CRISPLD2: variants seen among roughly 807,000 people sequenced by gnomAD.
CRISPLD2 encodes cysteine-rich secretory protein LCCL domain-containing 2.
CRISPLD2 carries 47 observed loss-of-function variants against 71.1 expected under a neutral mutation model. The observed-to-expected ratio is 0.66, with a 90% CI of 0.52 to 0.84. CRISPLD2 has a LOEUF of 0.84. Among genes scored for constraint, CRISPLD2 ranks in the 40% least tolerant of loss-of-function variants. The pLI is 0.00. For synonymous variants in CRISPLD2, 317 were observed against 250.1 expected, an observed-to-expected ratio of 1.27 and a Z score of -2.52; for missense variants, 830 against 651.1, an observed-to-expected ratio of 1.27 and a Z score of -2.99.
intron 11 of CRISPLD2, among the ~76,000 whole-genome samples, chr16:84,874,451 A>G (rs1189653078): frequency 6.6e-6 from 1 of 152,158 alleles, no homozygotes; most frequent in Non-Finnish European, 1.5e-5. Flanking sequence ...TGCTTAGTGT[A>G]TGTTCATTTG....
chr16:84,875,618 G>A (rs1235070710), intron 11 of CRISPLD2, among the ~76,000 whole-genome samples: 3 of 151,148 alleles, frequency 2.0e-5, no homozygotes, highest in Admixed American at 6.6e-5. Context: ...GTGCAGTGGC[G>A]CAATTTCAGC....
chr16:84,821,036 C>A (rs1180962539), intron 1 of CRISPLD2, among the ~76,000 whole-genome samples: 1 of 152,250 alleles, frequency 6.6e-6, no homozygotes, highest in Non-Finnish European at 1.5e-5. Context: ...GGGCGTCTCT[C>A]AGCCAAAATG....
chr16:84,861,767 TAAA>T (rs1917388321), intron 6 of CRISPLD2, among the ~76,000 whole-genome samples: 3 of 151,964 alleles, frequency 2.0e-5, no homozygotes, highest in African/African-American at 7.3e-5. Context: ...CTACAAAAAA[TAAA>T]TAGAAAATTA....
At chr16:84,877,554 G>A (rs1037793775) in intron 12 of CRISPLD2, 44 bp downstream of exon 12, 35 of 1,597,854 alleles carry the variant, frequency 2.2e-5, no homozygotes, top group Non-Finnish European at 3.0e-5. Context: ...GAAGATGTTA[G>A]AAGTAGCTTT....
chr16:84,858,940 T>C (rs1024916705), intron 6 of CRISPLD2, among the ~76,000 whole-genome samples: 1 of 152,222 alleles, frequency 6.6e-6, no homozygotes, highest in Non-Finnish European at 1.5e-5. Flanking sequence ...ACTGTCATTC[T>C]CCAAGATCCA....
At position 84,894,726 on chromosome 16, in the gene CRISPLD2, A is replaced by G. The variant is rs182493307; in HGVS notation, c.1439+5363A>G. Reference sequence around the variant, plus strand: ...GTAATCAATAGAAAATTATTATTAGAAATAAGAAATTTACATTCTTTTTTG... The same window carrying G: ...GTAATCAATAGAAAATTATTATTAGGAATAAGAAATTTACATTCTTTTTTG... On this transcript the variant is annotated intron_variant, in intron 14 of 14. Coordinates refer to ENST00000262424, the MANE Select transcript of CRISPLD2 (RefSeq NM_031476.4). Among the ~76,000 whole-genome samples, 6 of 152,310 alleles carry G rather than the reference A, an allele frequency of 3.9e-5. No homozygotes were observed. In the East Asian group the frequency reaches 1.2e-3, roughly 29 times the overall value.
At chr16:84,840,959 C>G (rs1029369829) in intron 2 of CRISPLD2, among the ~76,000 whole-genome samples, 4 of 152,184 alleles carry the variant, frequency 2.6e-5, no homozygotes, top group Non-Finnish European at 5.9e-5. Flanking sequence ...GTGCCCAGCA[C>G]CCCGTGAGAT....
At chr16:84,837,171 C>G (rs140009200) in intron 1 of CRISPLD2, among the ~76,000 whole-genome samples, 3 of 152,344 alleles carry the variant, frequency 2.0e-5, no homozygotes, top group African/African-American at 7.2e-5. Flanking sequence ...CGCACTCGTT[C>G]AAGCCCTTCC....
At chr16:84,905,677 TGTGAGC>T (rs2071795422) in intron 14 of CRISPLD2, among the ~76,000 whole-genome samples, 1 of 68,764 alleles carries the variant, frequency 1.5e-5, no homozygotes, top group Non-Finnish European at 2.8e-5. Flanking sequence ...AGGTGTGAGG[TGTGAGC>T]CACCGTGCCT....
At chr16:84,854,552 C>G (rs1178999029) in intron 5 of CRISPLD2, among the ~76,000 whole-genome samples, 177 bp from the exon 6 acceptor site, 1 of 152,148 alleles carries the variant, frequency 6.6e-6, no homozygotes, top group African/African-American at 2.4e-5. Flanking sequence ...TCTCTAGACT[C>G]TCTGTGCACG....
chr16:84,880,472 G>T, intron 12 of CRISPLD2, 37 bp from the exon 13 acceptor site: 2 of 1,575,220 alleles, frequency 1.3e-6, no homozygotes, highest in Non-Finnish European at 1.7e-6. Flanking sequence ...GGTTTTCTGT[G>T]CTCAGACCCA....
At chr16:84,837,518 GC>G (rs1326825812) in intron 1 of CRISPLD2, among the ~76,000 whole-genome samples, 1 of 150,690 alleles carries the variant, frequency 6.6e-6, no homozygotes, top group Non-Finnish European at 1.5e-5. Context: ...CCGGGTTCAC[GC>G]CATTCTCCCG....
intron 6 of CRISPLD2, among the ~76,000 whole-genome samples, chr16:84,859,574 C>T (rs1020728486): frequency 2.6e-5 from 4 of 152,200 alleles, no homozygotes; most frequent in African/African-American, 9.7e-5. Flanking sequence ...TGTAAACTGG[C>T]TCAAATCTGG....
Position 84,880,725 on chromosome 16 carries a change from A to T in CRISPLD2, c.1305+141A>T, listed in dbSNP as rs2071561214. The T allele has an allele frequency of 7.2e-6, 4 of 552,790 alleles. No homozygotes were observed. The East Asian group carries it at 9.5e-5, about 13-fold the overall frequency. 34.2% of individuals were successfully genotyped at this position (552,790 alleles called of 1,614,324 possible). A position where few individuals can be genotyped will look rare whatever the true frequency, so the allele number is the denominator to read the frequency against. On this transcript the variant is annotated intron_variant, in intron 13 of 14. Transcript: ENST00000262424. ...TTAATTAATTAATTAATTAATTTCG[A>T]GATGGAGTCTTACTCTGTTGCCCAG...
intron 14 of CRISPLD2, among the ~76,000 whole-genome samples, chr16:84,896,040 C>CTTTTT (rs540789413): frequency 7.1e-6 from 1 of 140,266 alleles, no homozygotes; most frequent in Non-Finnish European, 1.6e-5. Context: ...GATTGGAATC[C>CTTTTT]TTTTTTTTTT....
chr16:84,846,321 C>T (rs1203074700), intron 3 of CRISPLD2, among the ~76,000 whole-genome samples: 2 of 147,450 alleles, frequency 1.4e-5, no homozygotes, highest in African/African-American at 5.0e-5. Context: ...GGCGCAATCT[C>T]GGCTCACTGC....
Position 84,878,211 on chromosome 16 carries a change from G to A in CRISPLD2, c.1229+701G>A, listed in dbSNP as rs1038715305. 8.0e-5 allele frequency among the ~76,000 whole-genome samples: 12 copies of A among 150,864 alleles called. 1 individual carries two copies. The highest frequency in any genetic ancestry group is 6.3e-3 in the Middle Eastern group (2 of 316). On this transcript the variant is annotated intron_variant, in intron 12 of 14. Coordinates refer to ENST00000262424, the MANE Select transcript of CRISPLD2 (RefSeq NM_031476.4). Reference sequence around the variant, plus strand: ...TGCACTCCAGCCTGGGTGACAGAGCGAGACTCCGTCTCAAAAAAAGAAAAA... The same window carrying A: ...TGCACTCCAGCCTGGGTGACAGAGCAAGACTCCGTCTCAAAAAAAGAAAAA...
intron 13 of CRISPLD2, among the ~76,000 whole-genome samples, chr16:84,884,254 G>C (rs2071592800): frequency 6.6e-6 from 1 of 152,234 alleles, no homozygotes; most frequent in Non-Finnish European, 1.5e-5. Context: ...ATCTTTATCA[G>C]CTGAGTGATT....
At chr16:84,860,066 T>G (rs2143248014) in intron 6 of CRISPLD2, among the ~76,000 whole-genome samples, 1 of 121,360 alleles carries the variant, frequency 8.2e-6, no homozygotes, top group African/African-American at 3.2e-5. Context: ...CACTCTACCA[T>G]CCCAATCTCC....
Sources: allele counts gnomAD v4.1 joint callset (sites outside exome capture counted in the v4.1 genomes callset), GRCh38; gene constraint gnomAD v4.1.1; transcripts MANE v1.5; gene names NCBI Gene and HGNC (gene_info 2026-07-23, HGNC 2026-07-21).